DDX60L: variants seen among roughly 807,000 people sequenced by gnomAD.
DDX60L encodes the protein DExD/H-box 60 like.
In DDX60L, 191 loss-of-function variants were observed where a neutral mutation model predicts 211.6. The ratio of observed to expected loss-of-function variants is 0.90; its 90% CI spans 0.80 to 1.02. The LOEUF is 1.02. Among genes scored for constraint, DDX60L ranks in the 50% least tolerant of loss-of-function variants. DDX60L has a pLI of 0.00. For missense variants in DDX60L, 2,007 were observed against 1,984.1 expected (o/e 1.01, Z -0.22); for synonymous variants, 706 against 694.1 (o/e 1.02, Z -0.27).
intron 10 of DDX60L, among the ~76,000 whole-genome samples, chr4:168,439,046 C>T (rs2712141): frequency 0.81 from 123,089 of 152,080 alleles, 49,905 homozygotes; most frequent in East Asian, 0.91. Context: ...GTTAACATGC[C>T]GTTGGTTGTA....
chr4:168,410,905 A>G (rs1458156767), intron 22 of DDX60L, among the ~76,000 whole-genome samples: 2 of 152,232 alleles, frequency 1.3e-5, no homozygotes, highest in African/African-American at 2.4e-5. Context: ...GAAGTAGAAG[A>G]CAGAAATAGA....
At chr4:168,441,277 T>TTTTAG (rs1753789506) in intron 10 of DDX60L, 60 bp downstream of exon 10, 4 of 1,436,584 alleles carry the variant, frequency 2.8e-6, no homozygotes, top group Non-Finnish European at 3.8e-6. Context: ...TTATTAGGGC[T>TTTTAG]TCTAAAAGTT....
At chr4:168,469,139 A>G (rs1758400008) in intron 4 of DDX60L, 2 of 152,252 alleles carry the variant, frequency 1.3e-5, no homozygotes, top group Non-Finnish European at 2.9e-5. Flanking sequence ...ACAAAGAAGA[A>G]CAAAGTGGGC....
chr4:168,419,223 A>T, intron 19 of DDX60L, 79 bp downstream of exon 19: 2 of 936,086 alleles, frequency 2.1e-6, no homozygotes, highest in Non-Finnish European at 1.5e-6. Flanking sequence ...TCATTGAAAA[A>T]GCCCTATATT....
chr4:168,462,052 A>C lies in DDX60L; in HGVS notation c.265-12T>G. On this transcript the variant is annotated splice_polypyrimidine_tract_variant and intron_variant, in intron 4 of 37. Transcript: ENST00000682922. ...GCATATTCAGCATCCTGTGGTGAGA[A>C]AAAGAAACAAGCACATCATTTTCAA... 1 of 1,542,730 alleles carries C rather than the reference A, an allele frequency of 6.5e-7. No individual in the cohort carries two copies. Among genetic ancestry groups the C allele is most frequent in the South Asian group, 1.2e-5 (1 of 83,214 alleles).
chr4:168,420,471 C>T (rs1579521473), intron 17 of DDX60L, 91 bp from the exon 18 acceptor site: 18 of 51,464 alleles, frequency 3.5e-4, no homozygotes, highest in Admixed American at 1.3e-3. Flanking sequence ...CATACACACA[C>T]ACACACACAC....
At chr4:168,441,259 G>T (rs1253980382) in intron 10 of DDX60L, 78 bp downstream of exon 10, 7 of 1,341,096 alleles carry the variant, frequency 5.2e-6, no homozygotes, top group African/African-American at 1.5e-5. Context: ...ACACTTGGAA[G>T]AATTGAATTA....
intron 14 of DDX60L, among the ~76,000 whole-genome samples, chr4:168,424,724 C>G (rs1751190342): frequency 6.6e-6 from 1 of 152,018 alleles, no homozygotes; most frequent in Admixed American, 6.6e-5. Context: ...CCAATAGAGA[C>G]AAGCAGAAGA....
chr4:168,361,225 CA>C lies in DDX60L; in HGVS notation c.4929-15del, dbSNP rs1211337379. ...CCCATACGCATCCTAAAGAGAACAA[CA>C]TTTCTTAATTAAAAAGTATAAAAAC... On this transcript the variant is annotated splice_polypyrimidine_tract_variant and intron_variant, in intron 36 of 37. Coordinates refer to ENST00000682922, the MANE Select transcript of DDX60L (RefSeq NM_001012967.3). 1.3e-6 allele frequency: 2 copies of C among 1,536,292 alleles called. No individual in the cohort carries two copies. The highest frequency in any genetic ancestry group is 1.8e-6 in the Non-Finnish European group (2 of 1,113,884).
In DDX60L at chr4:168,396,270, C is replaced by T. The variant is rs987949204; in HGVS notation, c.3492-146G>A. The T allele has an allele frequency of 1.1e-4, 54 of 503,674 alleles. No individual in the cohort carries two copies. The East Asian group carries it at 1.4e-3, about 13-fold the overall frequency. 31.2% of individuals were successfully genotyped at this position (503,674 alleles called of 1,614,324 possible). ...TCCTGACTTGGTCTCCCCTTCCTCA[C>T]GTGCACTTCCACCATTTCATCTAGA... On this transcript the variant is annotated intron_variant, in intron 26 of 37. Coordinates refer to ENST00000682922, the MANE Select transcript of DDX60L (RefSeq NM_001012967.3).
chr4:168,475,153 T>C (rs979978124), intron 1 of DDX60L, among the ~76,000 whole-genome samples: 1 of 152,244 alleles, frequency 6.6e-6, no homozygotes, highest in Non-Finnish European at 1.5e-5. Context: ...CTGAGGCAAA[T>C]TGCTTACCAT....
chr4:168,408,462 C>T (rs1289063613), intron 22 of DDX60L, among the ~76,000 whole-genome samples: 2 of 152,020 alleles, frequency 1.3e-5, no homozygotes, highest in African/African-American at 4.8e-5. Flanking sequence ...CTCCTCTGCA[C>T]AACATGTAAT....
chr4:168,468,715 TA>T (rs774728279), intron 4 of DDX60L: 1 of 152,138 alleles, frequency 6.6e-6, no homozygotes, highest in African/African-American at 2.4e-5. Flanking sequence ...CTGAAGACAT[TA>T]AAAAATCTAA....
chr4:168,464,443 A>ATTTTTTTTTTTT (rs34052527), intron 4 of DDX60L, among the ~76,000 whole-genome samples: 2 of 138,936 alleles, frequency 1.4e-5, no homozygotes, highest in African/African-American at 5.4e-5. Context: ...TTATAATTGT[A>ATTTTTTTTTTTT]TTTTTTTTTT....
At chr4:168,477,844 A>T (rs546443607) in intron 1 of DDX60L, among the ~76,000 whole-genome samples, 2 of 152,360 alleles carry the variant, frequency 1.3e-5, no homozygotes, top group East Asian at 3.9e-4. Context: ...ATAGTGTTTT[A>T]GTTGCTGTTT....
intron 17 of DDX60L, among the ~76,000 whole-genome samples, chr4:168,420,675 AG>A (rs1750444698): frequency 7.0e-6 from 1 of 142,600 alleles, no homozygotes; most frequent in Non-Finnish European, 1.5e-5. Context: ...ATAGATAGAT[AG>A]ATAGATAGAC....
intron 22 of DDX60L, among the ~76,000 whole-genome samples, chr4:168,411,294 T>C (rs898345584): frequency 1.3e-5 from 2 of 152,194 alleles, no homozygotes; most frequent in East Asian, 1.9e-4. Flanking sequence ...GTTTTAACTC[T>C]GTATCACTGA....
At chr4:168,452,664 T>C (rs1015450341) in intron 8 of DDX60L, among the ~76,000 whole-genome samples, 16 of 151,958 alleles carry the variant, frequency 1.1e-4, no homozygotes, top group Non-Finnish European at 1.5e-5. Context: ...TAACAAAAAC[T>C]AGGCCCTAAA....
chr4:168,433,151 G>A, intron 10 of DDX60L, 36 bp from the exon 11 acceptor site: 1 of 1,332,966 alleles, frequency 7.5e-7, no homozygotes, highest in Non-Finnish European at 1.1e-6. Context: ...GAGAGGAAAG[G>A]TGTAACTATC....
Sources: gnomAD v4.1 joint callset for allele counts (sites outside exome capture counted in the v4.1 genomes callset) on GRCh38, gnomAD v4.1.1 for gene constraint, MANE v1.5 for transcripts, NCBI Gene and HGNC (gene_info 2026-07-23, HGNC 2026-07-21) for gene names.